Variants in PTPRD observed in about 807,000 individuals in gnomAD.
PTPRD encodes protein tyrosine phosphatase receptor type D.
A neutral mutation model predicts 214.5 loss-of-function variants in PTPRD; 34 were observed. The ratio of observed to expected loss-of-function variants is 0.16; its 90% CI spans 0.12 to 0.21. The LOEUF is 0.21. Ranked by LOEUF, PTPRD falls within the 10% of genes least tolerant of loss-of-function variation. The pLI, the probability that PTPRD is intolerant of heterozygous loss-of-function variation, is 1.00. For synonymous variants in PTPRD, 1,128 were observed against 845.7 expected, an observed-to-expected ratio of 1.33 and a Z score of -5.79; for missense variants, 2,545 against 2,398.7, an observed-to-expected ratio of 1.06 and a Z score of -1.27.
intron 7 of PTPRD, among the ~76,000 whole-genome samples, chr9:9,606,576 T>C (rs1431725145): frequency 2.0e-5 from 3 of 152,220 alleles, no homozygotes; most frequent in East Asian, 1.9e-4. Flanking sequence ...CTGTGCTCTA[T>C]ATGTTAAATT....
intron 11 of PTPRD, among the ~76,000 whole-genome samples, chr9:8,810,483 G>A (rs546860810): frequency 6.6e-6 from 1 of 152,128 alleles, no homozygotes; most frequent in African/African-American, 2.4e-5. Flanking sequence ...ATGGGCATTA[G>A]GATGTCCTAA....
chr9:9,236,737 G>A (rs1438213229), intron 9 of PTPRD, among the ~76,000 whole-genome samples: 1 of 151,700 alleles, frequency 6.6e-6, no homozygotes, highest in Non-Finnish European at 1.5e-5. Context: ...GTCTATTGGG[G>A]CATTTTGATT....
chr9:9,173,266 A>T (rs1300379652), intron 10 of PTPRD, among the ~76,000 whole-genome samples: 1 of 152,118 alleles, frequency 6.6e-6, no homozygotes, highest in Non-Finnish European at 1.5e-5. Context: ...TCAATACTTT[A>T]ATTTTATTTC....
chr9:8,681,948 G>C (rs1055572602), intron 12 of PTPRD, among the ~76,000 whole-genome samples: 2 of 152,146 alleles, frequency 1.3e-5, no homozygotes, highest in African/African-American at 4.8e-5. Context: ...ACTACGGTAG[G>C]AGAAGACAAT....
chr9:8,993,637 T>C (rs1334759179), intron 11 of PTPRD, among the ~76,000 whole-genome samples: 2 of 152,152 alleles, frequency 1.3e-5, no homozygotes, highest in African/African-American at 4.8e-5. Context: ...TTTCCTGAGC[T>C]TAAATGGAAG....
chr9:9,127,097 C>T (rs1217287936), intron 10 of PTPRD, among the ~76,000 whole-genome samples: 1 of 152,078 alleles, frequency 6.6e-6, no homozygotes. Flanking sequence ...AGCACACTCA[C>T]ACACACATAC....
chr9:9,766,999 T>C (rs1326735861), intron 5 of PTPRD, 148 bp from the exon 6 acceptor site: 4 of 150,816 alleles, frequency 2.7e-5, no homozygotes, highest in Non-Finnish European at 5.9e-5. Flanking sequence ...CAAAAAGATG[T>C]CTTATCTTTT....
At chr9:9,672,497 C>G (rs2096850784) in intron 7 of PTPRD, among the ~76,000 whole-genome samples, 2 of 152,014 alleles carry the variant, frequency 1.3e-5, no homozygotes, top group Admixed American at 1.3e-4. Context: ...CACAGAAGCC[C>G]AGCAAAGTTA....
At chr9:10,233,186 A>G (rs964443194) in intron 3 of PTPRD, among the ~76,000 whole-genome samples, 8 of 152,040 alleles carry the variant, frequency 5.3e-5, no homozygotes, top group African/African-American at 1.4e-4. Flanking sequence ...TTGCATATCA[A>G]TGAAGATAAT....
At chr9:9,619,439 T>A (rs752924261) in intron 7 of PTPRD, among the ~76,000 whole-genome samples, 45 of 149,688 alleles carry the variant, frequency 3.0e-4, no homozygotes, top group Non-Finnish European at 4.7e-4. Flanking sequence ...TTAATATATA[T>A]CTATATAAGC....
chr9:10,186,647 A>G (rs1296333869), intron 3 of PTPRD, among the ~76,000 whole-genome samples: 1 of 152,136 alleles, frequency 6.6e-6, no homozygotes, highest in Admixed American at 6.5e-5. Flanking sequence ...AAATCACTGA[A>G]TGCTATAAAA....
chr9:10,594,939 G>A (rs1007201345), intron 2 of PTPRD, among the ~76,000 whole-genome samples: 4 of 151,972 alleles, frequency 2.6e-5, no homozygotes, highest in Non-Finnish European at 4.4e-5. Flanking sequence ...TTACTTTCAT[G>A]TTGTCAAGGA....
At chr9:9,019,313 A>AAGAAAGAAAGAAAGG (rs2099551880) in intron 10 of PTPRD, among the ~76,000 whole-genome samples, 2 of 106,444 alleles carry the variant, frequency 1.9e-5, no homozygotes, top group Admixed American at 9.2e-5. Flanking sequence ...AGAAAGAAAG[A>AAGAAAGAAAGAAAGG]AAGAAAGAAA....
chr9:10,392,791 C>A (rs1380350310), intron 2 of PTPRD, among the ~76,000 whole-genome samples: 1 of 151,796 alleles, frequency 6.6e-6, no homozygotes, highest in Non-Finnish European at 1.5e-5. Flanking sequence ...GAAGGAAGAA[C>A]ATGGGCAAAG....
At chr9:9,349,385 T>A (rs1319351851) in intron 9 of PTPRD, among the ~76,000 whole-genome samples, 2 of 152,094 alleles carry the variant, frequency 1.3e-5, no homozygotes, top group African/African-American at 4.8e-5. Flanking sequence ...CATAAACTGA[T>A]ATTTTGTCTG....
intron 7 of PTPRD, among the ~76,000 whole-genome samples, chr9:9,707,714 C>A (rs546192212): frequency 6.6e-6 from 1 of 152,068 alleles, no homozygotes; most frequent in Non-Finnish European, 1.5e-5. Context: ...ATACTTAAAC[C>A]CTTTCTTATA....
intron 12 of PTPRD, among the ~76,000 whole-genome samples, chr9:8,667,077 G>A (rs1321008994): frequency 3.9e-5 from 6 of 152,162 alleles, no homozygotes; most frequent in East Asian, 3.9e-4. Context: ...CATGGCTCAC[G>A]CCTATAATCC....
Position 10,512,344 on chromosome 9 carries a change from A to T in PTPRD, c.-600+100054T>A, listed in dbSNP as rs184064686. On this transcript the variant is annotated intron_variant, in intron 2 of 45. Coordinates refer to ENST00000381196, the MANE Select transcript of PTPRD (RefSeq NM_002839.4). ...ATTTCAAGAAACTGTGAAATGAATG[A>T]CGCAATAATCATTGAGAGAAAGTAT... Among the ~76,000 whole-genome samples the T allele has an allele frequency of 1.3e-3, 202 of 152,064 alleles. 3 individuals carry two copies. Among genetic ancestry groups the T allele is most frequent in the African/African-American group, 4.6e-3 (189 of 41,488 alleles).
chr9:9,057,437 G>A (rs2099698405), intron 10 of PTPRD, among the ~76,000 whole-genome samples: 1 of 152,038 alleles, frequency 6.6e-6, no homozygotes, highest in Non-Finnish European at 1.5e-5. Context: ...TTTTTGGGTG[G>A]TTTAAATGGA....
Sources: gnomAD v4.1 joint callset for allele counts (sites outside exome capture counted in the v4.1 genomes callset) on GRCh38, gnomAD v4.1.1 for gene constraint, MANE v1.5 for transcripts, NCBI Gene and HGNC (gene_info 2026-07-23, HGNC 2026-07-21) for gene names.